ZNF699: variants seen among roughly 807,000 people sequenced by gnomAD.
ZNF699 encodes the protein zinc finger protein 699, also known as hangover homolog.
In ZNF699, 18 loss-of-function variants were observed where a neutral mutation model predicts 22.5. That is an observed-to-expected ratio of 0.80 (90% CI 0.55 to 1.19). The LOEUF (loss-of-function observed/expected upper bound fraction) is 1.19. ZNF699 is among the 50% of genes most tolerant of loss of function. ZNF699 has a pLI of 0.00. For missense variants in ZNF699, 670 were observed against 763.4 expected (o/e 0.88, Z 1.44); for synonymous variants, 241 against 262.3 (o/e 0.92, Z 0.78).
chr19:9,300,126 G>A (rs890845525), intron 3 of ZNF699, among the ~76,000 whole-genome samples: 1 of 152,170 alleles, frequency 6.6e-6, no homozygotes, highest in African/African-American at 2.4e-5. Context: ...TGTCGCCCAG[G>A]CTGGAGTGCA....
chr19:9,309,391 G>C lies in ZNF699; in HGVS notation c.-47C>G, dbSNP rs1395784614. Reference sequence around the variant, plus strand: ...CACAGATCAGCTCACAGAGAACGAGGCTGAAGCGCTTGTCCTTGAGACACG... The same window carrying C: ...CACAGATCAGCTCACAGAGAACGAGCCTGAAGCGCTTGTCCTTGAGACACG... On this transcript the variant is annotated 5_prime_UTR_variant, in exon 1 of 6. Transcript: ENST00000591998. 6.6e-6 allele frequency: 1 copy of C among 152,278 alleles called. No individual in the cohort carries two copies. The highest frequency in any genetic ancestry group is 1.9e-4 in the East Asian group (1 of 5,200). 9.4% of individuals were successfully genotyped at this position (152,278 alleles called of 1,614,324 possible).
Position 9,294,737 on chromosome 19 carries a change from AATATAAAAATAGT to A in ZNF699, c.*725_*737del, listed in dbSNP as rs760136040. On this transcript the variant is annotated 3_prime_UTR_variant, in exon 6 of 6. Coordinates refer to ENST00000591998, the MANE Select transcript of ZNF699 (RefSeq NM_198535.3). ...AGCCACGAGCAAGGACAAAGAATAAAATATAAAAATAGTATATTAAATTAATTTCTGCTGAAAT... is the reference window on the plus strand; with the variant it reads ...AGCCACGAGCAAGGACAAAGAATAAAATATTAAATTAATTTCTGCTGAAAT... 4 of 152,168 alleles carry A rather than the reference AATATAAAAATAGT, an allele frequency of 2.6e-5. No individual in the cohort carries two copies. Among genetic ancestry groups the A allele is most frequent in the African/African-American group, 4.8e-5 (2 of 41,456 alleles). 9.4% of individuals were successfully genotyped at this position (152,168 alleles called of 1,614,324 possible). A position where few individuals can be genotyped will look rare whatever the true frequency, so the allele number is the denominator to read the frequency against.
rs1416349879 is a variant in ZNF699, at chr19:9,297,796, C to A, written c.286+84G>T. 1.9e-5 allele frequency: 20 copies of A among 1,031,302 alleles called. No homozygotes were observed. The highest frequency in any genetic ancestry group is 3.0e-5 in the Non-Finnish European group (20 of 668,892). The allele number at this position is 1,031,302 out of a possible 1,614,324, so 63.9% of individuals were successfully genotyped here. A position where few individuals can be genotyped will look rare whatever the true frequency, so the allele number is the denominator to read the frequency against. The stretch of plus-strand genomic sequence containing the variant: ...GCTATCTGTGGAAGATGAGCTTCCT[C>A]ATATAAAACAAAGTTTGTTTTTGTT... On this transcript the variant is annotated intron_variant, in intron 4 of 5. Transcript: ENST00000591998. The surrounding 1 kb of genome is among the most constrained non-coding windows in gnomAD (Gnocchi z 4.3).
chr19:9,305,983 T>C (rs1599254910), intron 1 of ZNF699, among the ~76,000 whole-genome samples: 1 of 147,652 alleles, frequency 6.8e-6, no homozygotes, highest in Admixed American at 6.7e-5. Flanking sequence ...ATTACAGGCG[T>C]GAGCCACCGC....
chr19:9,307,847 C>T (rs1328585751), intron 1 of ZNF699, among the ~76,000 whole-genome samples: 1 of 151,326 alleles, frequency 6.6e-6, no homozygotes, highest in African/African-American at 2.4e-5. Flanking sequence ...ACTTGGGAGG[C>T]TGAGGCAGAG....
rs771715386 is a variant in ZNF699 at position 9,296,285 on chromosome 19, G to A, written c.1119C>T (p.Ser373=). The change falls in exon 6 of 6, where the codon AGC becomes AGT. Residue 373 remains serine (S), a synonymous_variant. Coordinates refer to ENST00000591998, the MANE Select transcript of ZNF699 (RefSeq NM_198535.3). ...YECKECGKAF[S]ESSKLTVHGR... ...CATGTACAGTGAGTTTTGAGGACTC[G>A]CTGAAGGCCTTCCCACACTCTTTAC... 15 of 1,611,528 alleles carry A rather than the reference G, an allele frequency of 9.3e-6. No homozygotes were observed. The highest frequency in any genetic ancestry group is 2.2e-5 in the South Asian group (2 of 90,926).
intron 2 of ZNF699, among the ~76,000 whole-genome samples, chr19:9,304,542 A>G (rs2066319804): frequency 6.6e-6 from 1 of 152,196 alleles, no homozygotes; most frequent in South Asian, 2.1e-4. Context: ...TGAATGCATA[A>G]ATACAGTTTT....
rs1568345400 is a variant in ZNF699 at position 9,297,912 on chromosome 19, A to AT, written c.253dup (p.Ile85AsnfsTer14). 1 of 1,613,736 alleles carries AT rather than the reference A, an allele frequency of 6.2e-7. No homozygotes were observed. The highest frequency in any genetic ancestry group is 1.1e-5 in the South Asian group (1 of 91,066). On this transcript the variant is annotated frameshift_variant, in exon 4 of 6. Transcript: ENST00000591998. LOFTEE classifies it high-confidence loss of function. The surrounding 1 kb of genome is among the most constrained non-coding windows in gnomAD (Gnocchi z 4.3). ...GTGCTCTCCCATAAAGATGCCCTGG[A>AT]TAAGTTCTCTCTTCACTGTCTGCAG... is the stretch of plus-strand genomic sequence containing the variant.
chr19:9,303,986 T>A (rs1037552829), intron 2 of ZNF699, among the ~76,000 whole-genome samples: 22 of 151,858 alleles, frequency 1.4e-4, no homozygotes, highest in Admixed American at 6.5e-4. Flanking sequence ...CCCAGCTACT[T>A]TTTTTTGTAT....
intron 2 of ZNF699, among the ~76,000 whole-genome samples, chr19:9,303,737 CAA>C (rs2066316451): frequency 6.6e-6 from 1 of 152,084 alleles, no homozygotes; most frequent in African/African-American, 2.4e-5. Context: ...CATGAGCACA[CAA>C]AAGACGCTCT....
chr19:9,295,607 G>A lies in ZNF699; in HGVS notation c.1797C>T (p.Pro599=). The change falls in exon 6 of 6, where the codon CCC becomes CCT. Residue 599 remains proline (P), a synonymous_variant. Transcript: ENST00000591998. ...TTCTCACATGCCTTCGAAAGGATGA[G>A]GGACAACTGAAAGCTTTTCCACATT... is the stretch of plus-strand genomic sequence containing the variant. ...CLECGKAFSC[P]SSFRRHVRSH... 1.2e-6 allele frequency: 2 copies of A among 1,614,008 alleles called. No individual in the cohort carries two copies. The highest frequency in any genetic ancestry group is 1.7e-6 in the Non-Finnish European group (2 of 1,179,986).
Position 9,296,531 on chromosome 19 carries a change from G to T in ZNF699, c.873C>A (p.Ser291=). 6.2e-7 allele frequency: 1 copy of T among 1,614,010 alleles called. No homozygotes were observed. The highest frequency in any genetic ancestry group is 8.5e-7 in the Non-Finnish European group (1 of 1,179,986). ...TTCTTTTGTGTTCTGTGAGCGATGA[G>T]GAACAACTAAAACCTTTCCCACATT... ...CKECGKGFSC[S]SSLTEHKRIH... is the part of the protein sequence containing the mutation. Residue 291 remains serine (S), a synonymous_variant, in exon 6 of 6, where the codon TCC becomes TCA. Transcript: ENST00000591998.
At position 9,297,023 on chromosome 19, in the gene ZNF699, C is replaced by T; in HGVS notation, c.471-90G>A. On this transcript the variant is annotated intron_variant, in intron 5 of 5. Transcript: ENST00000591998. The surrounding 1 kb of genome is among the most constrained non-coding windows in gnomAD (Gnocchi z 4.3). ...TTTCTGCCCTTCTGTCAAGTTTAAG[C>T]TGAAAGTTTTCACAGAGGGCTCTAC... The T allele has an allele frequency of 8.3e-7, 1 of 1,200,552 alleles. No homozygotes were observed. Among genetic ancestry groups the T allele is most frequent in the Non-Finnish European group, 1.1e-6 (1 of 883,962 alleles). The allele number at this position is 1,200,552 out of a possible 1,614,324, so 74.4% of individuals were successfully genotyped here. A position where few individuals can be genotyped will look rare whatever the true frequency, so the allele number is the denominator to read the frequency against.
intron 1 of ZNF699, among the ~76,000 whole-genome samples, chr19:9,307,477 G>C (rs139452875): frequency 1.3e-5 from 2 of 152,174 alleles, no homozygotes; most frequent in Non-Finnish European, 2.9e-5. Flanking sequence ...TATAAAAAAT[G>C]TAGCACATTA....
chr19:9,302,654 ATCTC>A (rs1054115671), intron 2 of ZNF699, 150 bp from the exon 3 acceptor site: 4 of 694,736 alleles, frequency 5.8e-6, no homozygotes, highest in Non-Finnish European at 9.2e-6. Flanking sequence ...CAGTCAACAA[ATCTC>A]TCTCTCTTTC....
Position 9,296,660 on chromosome 19 carries a change from C to T in ZNF699, c.744G>A (p.Glu248=). Residue 248 remains glutamate (E), a synonymous_variant, in exon 6 of 6, where the codon GAG becomes GAA. Coordinates refer to ENST00000591998, the MANE Select transcript of ZNF699 (RefSeq NM_198535.3). ...FKKHMKTPTE[E]KPYECKECTK... ...TACATTCCTTACATTCATAGGGCTT[C>T]TCTTCAGTGGGGGTTTTCATATGCT... 6.2e-7 allele frequency: 1 copy of T among 1,613,732 alleles called. No homozygotes were observed. Among genetic ancestry groups the T allele is most frequent in the Non-Finnish European group, 8.5e-7 (1 of 1,179,948 alleles).
rs368725212 is a variant in ZNF699 at position 9,297,858 on chromosome 19, A to C, written c.286+22T>G. On this transcript the variant is annotated intron_variant, in intron 4 of 5. Transcript: ENST00000591998. The surrounding 1 kb of genome is among the most constrained non-coding windows in gnomAD (Gnocchi z 4.3). The stretch of plus-strand genomic sequence containing the variant: ...GTTTATTTTTTCCCCCAACCAAAAC[A>C]GTTTCTCCCAAGGGTTCTTGCCTTC... The C allele has an allele frequency of 3.3e-5, 51 of 1,568,322 alleles. 1 individual carries two copies. The African/African-American group carries it at 6.0e-4, about 18-fold the overall frequency.
chr19:9,306,467 G>A (rs577132896), intron 1 of ZNF699, among the ~76,000 whole-genome samples: 2 of 150,860 alleles, frequency 1.3e-5, no homozygotes, highest in East Asian at 1.9e-4. Context: ...TTCAAACAAC[G>A]ACATGTTAAC....
In ZNF699 at chr19:9,295,969, C is replaced by G; in HGVS notation, c.1435G>C (p.Glu479Gln). ...GAACGACTAAAGGTCTTCCCACACT[C>G]CTTACATTCATACTGTATCTTTCCA... ...HTGKIQYECK[E>Q]CGKTFSRSSS... The change falls in exon 6 of 6, where the codon GAG becomes CAG. Residue 479 changes from glutamate to glutamine, a missense_variant. Glu to Gln is a conservative substitution (Grantham distance 29). Transcript: ENST00000591998. 1 of 1,614,062 alleles carries G rather than the reference C, an allele frequency of 6.2e-7. No individual in the cohort carries two copies. The highest frequency in any genetic ancestry group is 8.5e-7 in the Non-Finnish European group (1 of 1,180,032).
Sources: gnomAD v4.1 joint callset for allele counts (sites outside exome capture counted in the v4.1 genomes callset) on GRCh38, gnomAD v4.1.1 for gene constraint, Gnocchi (gnomAD v3.1) non-coding constraint, MANE v1.5 for transcripts, NCBI Gene and HGNC (gene_info 2026-07-23, HGNC 2026-07-21) for gene names.